Variants in RANBP17 observed in about 807,000 individuals in gnomAD.
RANBP17 encodes the protein RAN binding protein 17.
A neutral mutation model predicts 141.2 loss-of-function variants in RANBP17; 158 were observed. The observed-to-expected ratio is 1.12, with a 90% CI of 0.98 to 1.28. The LOEUF is 1.28. Among genes scored for constraint, RANBP17 ranks in the 50% most tolerant of loss-of-function variants. The pLI is 0.00. For synonymous variants in RANBP17, 430 were observed against 450.0 expected (o/e 0.96, Z 0.56); for missense variants, 1,438 against 1,290.7 (o/e 1.11, Z -1.75).
chr5:171,285,194 C>T (rs1768094657), intron 25 of RANBP17, among the ~76,000 whole-genome samples: 1 of 152,196 alleles, frequency 6.6e-6, no homozygotes, highest in East Asian at 1.9e-4. Flanking sequence ...TAAGATTCAA[C>T]TTAAAATCAC....
At chr5:171,063,445 G>T (rs1372671710) in intron 14 of RANBP17, among the ~76,000 whole-genome samples, 1 of 152,202 alleles carries the variant, frequency 6.6e-6, no homozygotes, top group Non-Finnish European at 1.5e-5. Context: ...TGCTTGCCTG[G>T]GTATCAGCAG....
At chr5:170,900,955 C>G (rs12516423) in intron 5 of RANBP17, among the ~76,000 whole-genome samples, 1 of 151,934 alleles carries the variant, frequency 6.6e-6, no homozygotes, top group African/African-American at 2.4e-5. Context: ...AGAATAAGTG[C>G]GATGTGGTTG....
chr5:170,949,611 A>G (rs1054745526), intron 12 of RANBP17, among the ~76,000 whole-genome samples: 1 of 152,336 alleles, frequency 6.6e-6, no homozygotes, highest in East Asian at 1.9e-4. Flanking sequence ...TGATCTTCAT[A>G]CATTGCTGGT....
intron 24 of RANBP17, among the ~76,000 whole-genome samples, chr5:171,254,113 G>A (rs1442425919): frequency 1.3e-5 from 2 of 152,020 alleles, no homozygotes; most frequent in East Asian, 3.9e-4. Flanking sequence ...CGGGTGTGGT[G>A]GCATGCGCCT....
chr5:171,268,881 A>T (rs1222347868), intron 25 of RANBP17, among the ~76,000 whole-genome samples: 1 of 152,188 alleles, frequency 6.6e-6, no homozygotes, highest in Non-Finnish European at 1.5e-5. Context: ...TTTGCAAAGG[A>T]AGTAATGTGG....
intron 12 of RANBP17, among the ~76,000 whole-genome samples, chr5:170,952,466 A>G (rs1234733169): frequency 2.0e-5 from 3 of 152,060 alleles, no homozygotes; most frequent in African/African-American, 7.2e-5. Context: ...TTGTCACCCT[A>G]ATAGGTTGAT....
At chr5:171,276,057 G>A (rs983220766) in intron 25 of RANBP17, among the ~76,000 whole-genome samples, 2 of 152,262 alleles carry the variant, frequency 1.3e-5, no homozygotes, top group Admixed American at 6.5e-5. Flanking sequence ...AAGATTTTGC[G>A]TCCAAACACA....
intron 22 of RANBP17, among the ~76,000 whole-genome samples, chr5:171,228,921 C>T (rs1764036198): frequency 6.6e-6 from 1 of 151,836 alleles, no homozygotes; most frequent in Admixed American, 6.6e-5. Flanking sequence ...TTTATATGCA[C>T]TGAGAAACCA....
At position 170,965,016 on chromosome 5, in the gene RANBP17, T is replaced by C. The variant is rs1436068279; in HGVS notation, c.1575-3226T>C. On this transcript the variant is annotated intron_variant, in intron 13 of 27. Transcript: ENST00000523189. ...TGAACTAGTTTACAGTCCCACCAAC[T>C]GTGTGAAAGTGTTCCTATTTCTCCA... 2.6e-5 allele frequency among the ~76,000 whole-genome samples: 4 copies of C among 152,192 alleles called. No homozygotes were observed. In the South Asian group the frequency reaches 8.3e-4, roughly 32 times the overall value.
chr5:171,225,372 A>G lies in RANBP17; in HGVS notation c.2422+3532A>G, dbSNP rs77291427. Among the ~76,000 whole-genome samples, 4 of 152,360 alleles carry G rather than the reference A, an allele frequency of 2.6e-5. No individual in the cohort carries two copies. In the East Asian group the frequency reaches 7.7e-4, roughly 29 times the overall value. ...GCACTTTACATAGAATAATAGAAAA[A>G]TGTTTCTTAACCTCTACTGATTCTC... On this transcript the variant is annotated intron_variant, in intron 22 of 27. Coordinates refer to ENST00000523189, the MANE Select transcript of RANBP17 (RefSeq NM_022897.5).
chr5:171,109,623 T>G (rs1420579648), intron 14 of RANBP17, among the ~76,000 whole-genome samples: 1 of 152,210 alleles, frequency 6.6e-6, no homozygotes, highest in African/African-American at 2.4e-5. Context: ...AAATCATCTC[T>G]AAATTATTTA....
chr5:170,930,365 TTTA>T (rs1175194346), intron 12 of RANBP17, among the ~76,000 whole-genome samples: 1 of 151,622 alleles, frequency 6.6e-6, no homozygotes, highest in East Asian at 1.9e-4. Flanking sequence ...GTTTTGTAGT[TTTA>T]TTATTACTTT....
intron 14 of RANBP17, among the ~76,000 whole-genome samples, chr5:171,099,852 T>C (rs1485510536): frequency 6.6e-6 from 1 of 152,282 alleles, no homozygotes; most frequent in East Asian, 1.9e-4. Context: ...CTGCGTCTAT[T>C]GAGATAATCA....
rs560345835 is a variant in RANBP17 at position 171,017,508 on chromosome 5, T to C, written c.1710+49131T>C. ...TGTGCATTTCTCTGATGATCAGTGA[T>C]GTTAAGTTTTTTTCCATATGTTTGC... is the stretch of plus-strand genomic sequence containing the variant. On this transcript the variant is annotated intron_variant, in intron 14 of 27. Coordinates refer to ENST00000523189, the MANE Select transcript of RANBP17 (RefSeq NM_022897.5). Among the ~76,000 whole-genome samples, 3 of 152,332 alleles carry C rather than the reference T, an allele frequency of 2.0e-5. No individual in the cohort carries two copies. The East Asian group carries it at 5.8e-4, about 29-fold the overall frequency.
intron 5 of RANBP17, among the ~76,000 whole-genome samples, chr5:170,905,224 C>T (rs1185962592): frequency 2.0e-5 from 3 of 152,088 alleles, no homozygotes; most frequent in Admixed American, 1.3e-4. Flanking sequence ...TCCGTTTGCA[C>T]ATAAAATGGT....
rs538094927 is a variant in RANBP17 at position 170,944,839 on chromosome 5, A to G, written c.1469-8758A>G. ...CTTTGATCTAATAAGTTTAATTCCAAGGTCACAGAAATTAGTACAAATTTA... is the reference window on the plus strand; with the variant it reads ...CTTTGATCTAATAAGTTTAATTCCAGGGTCACAGAAATTAGTACAAATTTA... On this transcript the variant is annotated intron_variant, in intron 12 of 27. Transcript: ENST00000523189. Among the ~76,000 whole-genome samples the G allele has an allele frequency of 3.3e-5, 5 of 152,314 alleles. No homozygotes were observed. In the East Asian group the frequency reaches 9.6e-4, roughly 29 times the overall value.
At chr5:171,256,074 G>C (rs1399881404) in intron 24 of RANBP17, among the ~76,000 whole-genome samples, 1 of 152,082 alleles carries the variant, frequency 6.6e-6, no homozygotes, top group African/African-American at 2.4e-5. Context: ...TTCTTTCCTT[G>C]ATGGCAGTAG....
intron 14 of RANBP17, among the ~76,000 whole-genome samples, chr5:170,992,007 T>C (rs935774448): frequency 6.6e-6 from 1 of 151,998 alleles, no homozygotes; most frequent in African/African-American, 2.4e-5. Flanking sequence ...ATGGTGATTA[T>C]ACATGTTGTT....
intron 12 of RANBP17, among the ~76,000 whole-genome samples, chr5:170,938,202 C>A (rs1774044802): frequency 1.3e-5 from 2 of 152,100 alleles, no homozygotes. Context: ...CGTGACAAAG[C>A]CTTAGGCCGG....
Sources: gnomAD v4.1 joint callset for allele counts (sites outside exome capture counted in the v4.1 genomes callset) on GRCh38, gnomAD v4.1.1 for gene constraint, MANE v1.5 for transcripts, NCBI Gene and HGNC (gene_info 2026-07-23, HGNC 2026-07-21) for gene names.